The following MAN1A2 variants were observed in gnomAD, a reference collection of about 807,000 sequenced individuals.
MAN1A2 encodes the protein mannosidase alpha class 1A member 2.
MAN1A2 carries 26 observed loss-of-function variants against 75.7 expected under a neutral mutation model. That is an observed-to-expected ratio of 0.34 (90% CI 0.25 to 0.48). The LOEUF (loss-of-function observed/expected upper bound fraction) is 0.48, where lower values mean the gene tolerates loss of function less well. MAN1A2 is among the 20% of genes least tolerant of loss of function. MAN1A2 has a pLI of 0.99. For synonymous variants in MAN1A2, 247 were observed against 264.6 expected, an observed-to-expected ratio of 0.93 and a Z score of 0.65; for missense variants, 562 against 775.5, an observed-to-expected ratio of 0.72 and a Z score of 3.27.
At chr1:117,456,993 A>G (rs1033989833) in intron 6 of MAN1A2, among the ~76,000 whole-genome samples, 1 of 152,208 alleles carries the variant, frequency 6.6e-6, no homozygotes, top group Admixed American at 6.5e-5. Context: ...GTCGGAATGC[A>G]TTTCAATATC....
intron 8 of MAN1A2, among the ~76,000 whole-genome samples, chr1:117,477,787 C>A (rs914372603): frequency 1.3e-5 from 2 of 151,938 alleles, no homozygotes; most frequent in Non-Finnish European, 2.9e-5. Context: ...CTGGCCAGGG[C>A]AGTCAGGCAA....
intron 8 of MAN1A2, among the ~76,000 whole-genome samples, chr1:117,477,059 A>G (rs1432722503): frequency 2.0e-5 from 3 of 151,608 alleles, no homozygotes; most frequent in Admixed American, 2.0e-4. Flanking sequence ...ATTCCTGGAC[A>G]CATACACCCT....
intron 11 of MAN1A2, among the ~76,000 whole-genome samples, chr1:117,500,851 A>G (rs143284135): frequency 2.2e-3 from 329 of 151,966 alleles, no homozygotes; most frequent in Middle Eastern, 0.01. Context: ...ACACACTTCT[A>G]TTGTTAGCAG....
At chr1:117,485,110 G>A (rs1289291482) in intron 8 of MAN1A2, among the ~76,000 whole-genome samples, 1 of 151,894 alleles carries the variant, frequency 6.6e-6, no homozygotes, top group Non-Finnish European at 1.5e-5. Context: ...ATAACAAAGT[G>A]GTTATAAACT....
intron 6 of MAN1A2, among the ~76,000 whole-genome samples, chr1:117,458,484 AAT>A (rs10569118): frequency 0.19 from 19,955 of 104,266 alleles, 2,052 homozygotes; most frequent in East Asian, 0.28. Flanking sequence ...TAAGATGAGA[AAT>A]ATATATATAT....
intron 8 of MAN1A2, among the ~76,000 whole-genome samples, chr1:117,471,833 G>T (rs1006127333): frequency 8.6e-5 from 13 of 151,826 alleles, no homozygotes; most frequent in African/African-American, 3.1e-4. Flanking sequence ...GTTAAACAAG[G>T]CATATACCAT....
chr1:117,505,347 G>A (rs547096269), intron 12 of MAN1A2, among the ~76,000 whole-genome samples: 13 of 151,292 alleles, frequency 8.6e-5, no homozygotes, highest in Non-Finnish European at 1.9e-4. Flanking sequence ...TAGATGGTAT[G>A]CTGCCTCATC....
chr1:117,383,021 A>T lies in MAN1A2; in HGVS notation c.302+14536A>T, dbSNP rs1265294517. On this transcript the variant is annotated intron_variant, in intron 1 of 12. Transcript: ENST00000356554. ...TTCCTTTCCAATTTGGATGTCTTTT[A>T]TTTCTTTTTCCTGCCTAACTGCTCT... Among the ~76,000 whole-genome samples the T allele has an allele frequency of 2.6e-5, 4 of 152,012 alleles. No homozygotes were observed. In the East Asian group the frequency reaches 7.7e-4, roughly 29 times the overall value.
intron 7 of MAN1A2, among the ~76,000 whole-genome samples, chr1:117,464,835 C>G (rs1013601647): frequency 4.6e-5 from 7 of 152,090 alleles, no homozygotes; most frequent in African/African-American, 1.7e-4. Context: ...TGTCTGGACT[C>G]TTACCTGGTG....
intron 8 of MAN1A2, among the ~76,000 whole-genome samples, chr1:117,467,768 C>T (rs879580155): frequency 6.6e-6 from 1 of 151,842 alleles, no homozygotes; most frequent in Non-Finnish European, 1.5e-5. Context: ...TAAATCTTTA[C>T]CCCTGTGAGT....
chr1:117,383,481 A>G (rs374790204), intron 1 of MAN1A2, among the ~76,000 whole-genome samples: 1 of 152,194 alleles, frequency 6.6e-6, no homozygotes, highest in East Asian at 1.9e-4. Flanking sequence ...AAAATGAATT[A>G]GGAAATCATT....
rs1394519986 is a variant in MAN1A2 at position 117,526,275 on chromosome 1, T to C, written c.*3318T>C. 3 of 151,894 alleles carry C rather than the reference T, an allele frequency of 2.0e-5. No homozygotes were observed. The highest frequency in any genetic ancestry group is 4.4e-5 in the Non-Finnish European group (3 of 67,830). The allele number at this position is 151,894 out of a possible 1,614,324, so 9.4% of individuals were successfully genotyped here. A position where few individuals can be genotyped will look rare whatever the true frequency, so the allele number is the denominator to read the frequency against. Reference sequence around the variant, plus strand: ...CATTGTGCCTGGCACTTTCAATCATTAGAATGTTTTATGTGATTCCACAGC... The same window carrying C: ...CATTGTGCCTGGCACTTTCAATCATCAGAATGTTTTATGTGATTCCACAGC... On this transcript the variant is annotated 3_prime_UTR_variant, in exon 13 of 13. Coordinates refer to ENST00000356554, the MANE Select transcript of MAN1A2 (RefSeq NM_006699.5).
At chr1:117,379,561 C>T (rs1365832170) in intron 1 of MAN1A2, among the ~76,000 whole-genome samples, 2 of 151,944 alleles carry the variant, frequency 1.3e-5, no homozygotes, top group African/African-American at 4.8e-5. Context: ...GTGTAACTAC[C>T]ACCTCTAGTT....
intron 8 of MAN1A2, among the ~76,000 whole-genome samples, chr1:117,491,506 C>T (rs560733514): frequency 5.0e-3 from 195 of 39,260 alleles, no homozygotes; most frequent in African/African-American, 0.012. Context: ...ATTGACAATG[C>T]ACCTGATCAC....
At chr1:117,373,795 A>T (rs935269278) in intron 1 of MAN1A2, among the ~76,000 whole-genome samples, 3 of 152,156 alleles carry the variant, frequency 2.0e-5, no homozygotes, top group African/African-American at 7.2e-5. Context: ...CACCCAACCG[A>T]ATCTTATTTT....
At chr1:117,412,382 C>A (rs1438025664) in intron 3 of MAN1A2, among the ~76,000 whole-genome samples, 1 of 151,386 alleles carries the variant, frequency 6.6e-6, no homozygotes, top group Non-Finnish European at 1.5e-5. Context: ...GTCTTGTCTA[C>A]CTTTTAAAAA....
chr1:117,377,848 C>A (rs910896769), intron 1 of MAN1A2, among the ~76,000 whole-genome samples: 3 of 152,250 alleles, frequency 2.0e-5, no homozygotes, highest in Non-Finnish European at 4.4e-5. Flanking sequence ...TGCCTGTAAT[C>A]CCAGCACTTT....
At chr1:117,441,470 T>C (rs540623412) in intron 5 of MAN1A2, among the ~76,000 whole-genome samples, 1 of 152,312 alleles carries the variant, frequency 6.6e-6, no homozygotes, top group East Asian at 1.9e-4. Flanking sequence ...TGTGCTACTT[T>C]TCCTAATAGA....
chr1:117,523,356 C>T lies in MAN1A2; in HGVS notation c.*399C>T. The T allele has an allele frequency of 1.4e-5, 6 of 443,572 alleles. No homozygotes were observed. Among genetic ancestry groups the T allele is most frequent in the South Asian group, 5.1e-5 (3 of 59,234 alleles). The allele number at this position is 443,572 out of a possible 1,614,324, so 27.5% of individuals were successfully genotyped here. ...GAACCAATTATGTATTTGTTTCCTC[C>T]TACAGTGGAGCAGCATTCAAATCAA... On this transcript the variant is annotated 3_prime_UTR_variant, in exon 13 of 13. Transcript: ENST00000356554.
Sources: allele counts gnomAD v4.1 joint callset (sites outside exome capture counted in the v4.1 genomes callset), GRCh38; gene constraint gnomAD v4.1.1; transcripts MANE v1.5; gene names NCBI Gene and HGNC (gene_info 2026-07-23, HGNC 2026-07-21).